CDCP1: variants seen among roughly 807,000 people sequenced by gnomAD.
CDCP1 encodes the protein CUB domain-containing protein 1.
Under a neutral mutation model 60.2 loss-of-function variants are expected in CDCP1, and 29 were observed. That is an observed-to-expected ratio of 0.48 (90% CI 0.36 to 0.66). The LOEUF (loss-of-function observed/expected upper bound fraction) is 0.66. Ranked by LOEUF, CDCP1 falls within the 30% of genes least tolerant of loss-of-function variation. CDCP1 has a pLI of 0.00. For missense variants in CDCP1, 876 were observed against 1,074.3 expected (o/e 0.82, Z 2.58); for synonymous variants, 387 against 431.1 (o/e 0.90, Z 1.27).
intron 8 of CDCP1, among the ~76,000 whole-genome samples, chr3:45,087,247 G>T (rs114703292): frequency 3.1e-4 from 47 of 152,270 alleles, no homozygotes; most frequent in African/African-American, 1.1e-3. Flanking sequence ...AGATGGCATT[G>T]TCTCTCCTCA....
At chr3:45,099,767 TAATCTCCAAGAGTTCCTTTG>T (rs1191379885) in intron 4 of CDCP1, among the ~76,000 whole-genome samples, 1 of 152,096 alleles carries the variant, frequency 6.6e-6, no homozygotes, top group Non-Finnish European at 1.5e-5. Context: ...AACATATTTT[TAATCTCCAAGAGTTCCTTTG>T]AACTCTTGGA....
At chr3:45,119,382 A>C (rs1289471244) in intron 1 of CDCP1, among the ~76,000 whole-genome samples, 1 of 152,178 alleles carries the variant, frequency 6.6e-6, no homozygotes, top group East Asian at 1.9e-4. Context: ...AAGTGCTCTT[A>C]GACCAAGAAG....
intron 1 of CDCP1, among the ~76,000 whole-genome samples, chr3:45,121,129 C>T (rs573156334): frequency 6.6e-6 from 1 of 152,352 alleles, no homozygotes; most frequent in Admixed American, 6.5e-5. Context: ...TTCTCATAGA[C>T]ATACTACCAT....
chr3:45,122,469 A>C (rs1024359026), intron 1 of CDCP1, among the ~76,000 whole-genome samples: 14 of 136,386 alleles, frequency 1.0e-4, no homozygotes, highest in African/African-American at 3.9e-4. Context: ...CTCTTTTAGA[A>C]ATTTTTTTTT....
At chr3:45,086,508 G>A (rs1485870782) in intron 8 of CDCP1, among the ~76,000 whole-genome samples, 1 of 152,186 alleles carries the variant, frequency 6.6e-6, no homozygotes, top group East Asian at 1.9e-4. Flanking sequence ...CGTAGCTCAT[G>A]CTTTATCTCT....
At chr3:45,121,056 A>C (rs1042648034) in intron 1 of CDCP1, among the ~76,000 whole-genome samples, 4 of 152,200 alleles carry the variant, frequency 2.6e-5, no homozygotes, top group Admixed American at 2.0e-4. Context: ...AAACGTTTTA[A>C]GCCCCAAAAC....
In CDCP1 at chr3:45,091,523, G is replaced by T; in HGVS notation, c.1643C>A (p.Thr548Lys). ...IPYFKEEGVFTVTPDTKSKVY... is the reference protein window; with the variant it reads ...IPYFKEEGVFKVTPDTKSKVY... ...CTTGCTTTTTGTGTCAGGGGTCACC[G>T]TGAAAACGCCTTCCTCTGCAGGAAA... The change falls in exon 7 of 9, where the codon ACG (threonine) becomes AAG (lysine). Residue 548 changes from threonine to lysine, a missense_variant. Physicochemically the swap from Thr to Lys is moderately conservative, Grantham distance 78 (BLOSUM62 -1). This residue lies in a region of CDCP1 where 726 missense variants were observed against 935.7 expected (regional missense o/e 0.78). Coordinates refer to ENST00000296129, the MANE Select transcript of CDCP1 (RefSeq NM_022842.5). The surrounding 1 kb of genome is among the most constrained non-coding windows in gnomAD (Gnocchi z 4.8). 1.2e-6 allele frequency: 2 copies of T among 1,601,836 alleles called. No individual in the cohort carries two copies. The highest frequency in any genetic ancestry group is 1.7e-6 in the Non-Finnish European group (2 of 1,174,402).
chr3:45,133,276 C>T (rs959207725), intron 1 of CDCP1, among the ~76,000 whole-genome samples: 12 of 152,080 alleles, frequency 7.9e-5, no homozygotes, highest in East Asian at 3.9e-4. Context: ...AGCCTGACAA[C>T]GTCTTGATCT....
chr3:45,107,262 A>G (rs1698581848), intron 4 of CDCP1, among the ~76,000 whole-genome samples: 1 of 151,114 alleles, frequency 6.6e-6, no homozygotes, highest in Admixed American at 6.6e-5. Flanking sequence ...GCTGGAGTGC[A>G]GTGGCACAAT....
At chr3:45,138,198 A>G (rs1699221958) in intron 1 of CDCP1, among the ~76,000 whole-genome samples, 1 of 152,342 alleles carries the variant, frequency 6.6e-6, no homozygotes, top group Non-Finnish European at 1.5e-5. Flanking sequence ...TGCTCACAGA[A>G]CATTTTTTAA....
chr3:45,121,061 CA>C (rs916635721), intron 1 of CDCP1, among the ~76,000 whole-genome samples: 2 of 152,200 alleles, frequency 1.3e-5, no homozygotes, highest in African/African-American at 2.4e-5. Context: ...TTTTAAGCCC[CA>C]AAACAACTCC....
At chr3:45,087,302 C>T (rs568943339) in intron 8 of CDCP1, among the ~76,000 whole-genome samples, 23 of 152,316 alleles carry the variant, frequency 1.5e-4, no homozygotes, top group South Asian at 1.0e-3. Context: ...AGCTTGGGCA[C>T]GGACAGGCCT....
chr3:45,097,812 GCTGT>G (rs1365134444), intron 4 of CDCP1, among the ~76,000 whole-genome samples: 4 of 152,106 alleles, frequency 2.6e-5, no homozygotes, highest in African/African-American at 7.2e-5. Context: ...TGTAGTTCTT[GCTGT>G]CTATTTTCCA....
At chr3:45,125,937 C>A (rs1279156356) in intron 1 of CDCP1, among the ~76,000 whole-genome samples, 1 of 152,240 alleles carries the variant, frequency 6.6e-6, no homozygotes, top group Admixed American at 6.5e-5. Context: ...GACCTCCCTT[C>A]TCCAAGTTTG....
chr3:45,089,125 G>A lies in CDCP1; in HGVS notation c.2010C>T (p.Leu670=). The change falls in exon 8 of 9, where the codon CTC becomes CTT. Residue 670 remains leucine (L), a synonymous_variant. Transcript: ENST00000296129. ...AGACTCCACCTCCCACCGCTGCGATGAGGATGACAGTCAAGTCTGTGAGCA... is the reference window on the plus strand; with the variant it reads ...AGACTCCACCTCCCACCGCTGCGATAAGGATGACAGTCAAGTCTGTGAGCA... ...TPRTVDLTVI[L]IAAVGGGVLL... is the part of the protein sequence containing the mutation. The A allele has an allele frequency of 6.2e-7, 1 of 1,614,046 alleles. No homozygotes were observed. Among genetic ancestry groups the A allele is most frequent in the Non-Finnish European group, 8.5e-7 (1 of 1,179,938 alleles).
At chr3:45,104,043 T>C (rs1698525398) in intron 4 of CDCP1, among the ~76,000 whole-genome samples, 1 of 152,222 alleles carries the variant, frequency 6.6e-6, no homozygotes. Context: ...TTGCCGTCCA[T>C]TCTCACCATC....
In CDCP1 at chr3:45,095,512, G is replaced by A. The variant is rs1025381285; in HGVS notation, c.1081C>T (p.Pro361Ser). The A allele has an allele frequency of 2.5e-6, 4 of 1,614,014 alleles. No individual in the cohort carries two copies. Among genetic ancestry groups the A allele is most frequent in the Non-Finnish European group, 3.4e-6 (4 of 1,180,028 alleles). Residue 361 changes from proline to serine, a missense_variant, in exon 5 of 9, where the codon CCA becomes TCA. Transcript: ENST00000296129. ...NERAMSLTIE[P>S]RPVKQSRKFV... ...TTGCGGCTCTGTTTGACGGGCCGTG[G>A]CTCGATGGTGAGTGACATGGCTCGC...
Position 45,093,252 on chromosome 3 carries a change from T to C in CDCP1, c.1627+25A>G, listed in dbSNP as rs766944600. 3.8e-6 allele frequency: 6 copies of C among 1,599,374 alleles called. No homozygotes were observed. In the East Asian group the frequency reaches 6.7e-5, roughly 18 times the overall value. ...AATAAACGCTTAAACTAAAGGGGCA[T>C]GGAGATAGGGGAGACCCCCCTTACC... On this transcript the variant is annotated intron_variant, in intron 6 of 8. Coordinates refer to ENST00000296129, the MANE Select transcript of CDCP1 (RefSeq NM_022842.5).
chr3:45,109,505 A>G (rs1698651582), intron 4 of CDCP1, among the ~76,000 whole-genome samples: 1 of 152,058 alleles, frequency 6.6e-6, no homozygotes. Flanking sequence ...CCTTAGCAAC[A>G]CACATCAGAA....
Sources: allele counts gnomAD v4.1 joint callset (sites outside exome capture counted in the v4.1 genomes callset), GRCh38; gene constraint gnomAD v4.1.1; regional missense constraint gnomAD v4.1.1; non-coding constraint Gnocchi (gnomAD v3.1); transcripts MANE v1.5; gene names NCBI Gene and HGNC (gene_info 2026-07-23, HGNC 2026-07-21).